The following GRIN2A variants were observed in gnomAD, a reference collection of about 807,000 sequenced individuals.
GRIN2A encodes the protein glutamate ionotropic receptor NMDA type subunit 2A.
GRIN2A carries 22 observed loss-of-function variants against 113.4 expected under a neutral mutation model. The ratio of observed to expected loss-of-function variants is 0.19; its 90% CI spans 0.14 to 0.28. The LOEUF is 0.28. GRIN2A is among the 10% of genes least tolerant of loss of function. The probability of loss-of-function intolerance (pLI) is 1.00; values close to 1 mark genes in which losing one functional copy is unlikely to be tolerated. For missense variants in GRIN2A, 1,502 were observed against 1,887.0 expected (o/e 0.80, Z 3.78); for synonymous variants, 827 against 738.4 (o/e 1.12, Z -1.94).
chr16:9,797,505 T>C (rs1474625161), intron 11 of GRIN2A, among the ~76,000 whole-genome samples: 1 of 152,202 alleles, frequency 6.6e-6, no homozygotes, highest in African/African-American at 2.4e-5. Flanking sequence ...TACAGTTCTA[T>C]AAATGCCACA....
At chr16:9,772,579 C>A (rs1901338152) in intron 11 of GRIN2A, among the ~76,000 whole-genome samples, 2 of 152,060 alleles carry the variant, frequency 1.3e-5, no homozygotes, top group Non-Finnish European at 2.9e-5. Context: ...CACCATCTTG[C>A]CCAGGCTGAT....
intron 2 of GRIN2A, among the ~76,000 whole-genome samples, chr16:10,075,873 A>T (rs985520839): frequency 6.6e-6 from 1 of 152,198 alleles, no homozygotes; most frequent in African/African-American, 2.4e-5. Context: ...ATTAAAAATT[A>T]AAAAATAAAA....
intron 10 of GRIN2A, among the ~76,000 whole-genome samples, chr16:9,807,701 G>A (rs902010080): frequency 2.6e-5 from 4 of 152,108 alleles, no homozygotes; most frequent in African/African-American, 4.8e-5. Context: ...TTTCCAGACC[G>A]GTCTGTCACT....
chr16:9,852,609 G>T (rs1567346781), intron 4 of GRIN2A, among the ~76,000 whole-genome samples: 1 of 152,188 alleles, frequency 6.6e-6, no homozygotes, highest in Non-Finnish European at 1.5e-5. Context: ...TAGGTAGAGA[G>T]AACTCGATCA....
intron 2 of GRIN2A, among the ~76,000 whole-genome samples, chr16:9,949,471 A>G (rs1424277196): frequency 6.6e-6 from 1 of 151,562 alleles, no homozygotes; most frequent in Non-Finnish European, 1.5e-5. Context: ...AGATGAATGG[A>G]CAGATGAGTG....
intron 2 of GRIN2A, among the ~76,000 whole-genome samples, chr16:10,036,188 T>C (rs957743134): frequency 2.0e-5 from 3 of 152,214 alleles, no homozygotes; most frequent in East Asian, 1.9e-4. Context: ...CTTTGTGTGA[T>C]TGGTATTAGC....
At chr16:9,827,509 A>AT (rs1030015453) in intron 9 of GRIN2A, among the ~76,000 whole-genome samples, 3 of 152,222 alleles carry the variant, frequency 2.0e-5, no homozygotes, top group Non-Finnish European at 4.4e-5. Flanking sequence ...CCAGAGAGTG[A>AT]TTCGTACCTT....
chr16:9,902,676 A>G (rs2043951579), intron 3 of GRIN2A, among the ~76,000 whole-genome samples: 3 of 152,122 alleles, frequency 2.0e-5, no homozygotes, highest in South Asian at 4.1e-4. Flanking sequence ...CCCTCTCTGA[A>G]AAATGGGGGG....
intron 8 of GRIN2A, among the ~76,000 whole-genome samples, chr16:9,832,086 TTTTATTTATTTATTTATTTA>T (rs35044218): frequency 4.8e-4 from 65 of 135,656 alleles, no homozygotes; most frequent in African/African-American, 1.2e-3. Context: ...GCCAGGCTTA[TTTTATTTATTTATTTATTTA>T]TTTATTTATT....
intron 2 of GRIN2A, among the ~76,000 whole-genome samples, chr16:9,996,554 C>T (rs1013840975): frequency 2.6e-5 from 4 of 152,156 alleles, no homozygotes; most frequent in Non-Finnish European, 2.9e-5. Flanking sequence ...GTGACCTGTC[C>T]CTGAGCAGAT....
At chr16:10,128,728 C>A (rs11859727) in intron 2 of GRIN2A, among the ~76,000 whole-genome samples, 62,230 of 152,050 alleles carry the variant, frequency 0.41, 13,072 homozygotes, top group African/African-American at 0.46. Flanking sequence ...AAGCACCATG[C>A]GCCAAGCTAG....
intron 2 of GRIN2A, among the ~76,000 whole-genome samples, chr16:10,148,214 C>T (rs1289508949): frequency 6.6e-6 from 1 of 152,202 alleles, no homozygotes; most frequent in Non-Finnish European, 1.5e-5. Flanking sequence ...ATAACCCAGC[C>T]ATGCCCATTC....
At chr16:10,038,071 G>A (rs888997165) in intron 2 of GRIN2A, among the ~76,000 whole-genome samples, 14 of 144,670 alleles carry the variant, frequency 9.7e-5, no homozygotes, top group Admixed American at 2.2e-4. Context: ...TAAACTGCGC[G>A]TAAAAACAAC....
At chr16:9,865,847 G>T (rs1308018103) in intron 4 of GRIN2A, among the ~76,000 whole-genome samples, 1 of 152,048 alleles carries the variant, frequency 6.6e-6, no homozygotes, top group African/African-American at 2.4e-5. Flanking sequence ...TTTTTAAATG[G>T]TTGAAAAAAA....
chr16:9,848,752 T>A (rs1234586875), intron 5 of GRIN2A, among the ~76,000 whole-genome samples: 2 of 115,952 alleles, frequency 1.7e-5, no homozygotes, highest in African/African-American at 7.9e-5. Context: ...TATAATATTT[T>A]AAATATATAA....
intron 2 of GRIN2A, among the ~76,000 whole-genome samples, chr16:10,109,562 G>C (rs2048569684): frequency 6.6e-6 from 1 of 150,808 alleles, no homozygotes; most frequent in African/African-American, 2.4e-5. Flanking sequence ...AAAAGGCAAT[G>C]CATTATAACC....
chr16:10,142,264 A>G (rs1474032434), intron 2 of GRIN2A, among the ~76,000 whole-genome samples: 1 of 152,240 alleles, frequency 6.6e-6, no homozygotes, highest in Non-Finnish European at 1.5e-5. Flanking sequence ...CCCAGGGTTA[A>G]GGTTAGCTGC....
chr16:9,799,940 C>A (rs539153188), intron 10 of GRIN2A, among the ~76,000 whole-genome samples: 7 of 149,798 alleles, frequency 4.7e-5, no homozygotes, highest in African/African-American at 1.5e-4. Flanking sequence ...CAGGTAATCT[C>A]TCCAAGGGCA....
Position 10,063,929 on chromosome 16 carries a change from A to T in GRIN2A, c.414+116069T>A, listed in dbSNP as rs542065074. Among the ~76,000 whole-genome samples, 163 of 152,294 alleles carry T rather than the reference A, an allele frequency of 1.1e-3. 2 individuals carry two copies. The highest frequency in any genetic ancestry group is 0.01 in the Middle Eastern group (3 of 294). ...GCTGCCACTTTATTCATGACCCCAC[A>T]GTCACCGTCTCCTGGAAGCCTTTCC... is the stretch of plus-strand genomic sequence containing the variant. On this transcript the variant is annotated intron_variant, in intron 2 of 12. Transcript: ENST00000330684.
Sources: gnomAD v4.1 joint callset for allele counts (sites outside exome capture counted in the v4.1 genomes callset) on GRCh38, gnomAD v4.1.1 for gene constraint, MANE v1.5 for transcripts, NCBI Gene and HGNC (gene_info 2026-07-23, HGNC 2026-07-21) for gene names.